CYP4X1: variants seen among roughly 807,000 people sequenced by gnomAD.
CYP4X1 encodes cytochrome P450 family 4 subfamily X member 1.
Under a neutral mutation model 57.9 loss-of-function variants are expected in CYP4X1, and 44 were observed. That is an observed-to-expected ratio of 0.76 (90% CI 0.60 to 0.98). The LOEUF (loss-of-function observed/expected upper bound fraction) is 0.98, where lower values mean the gene tolerates loss of function less well. CYP4X1 is among the 50% of genes least tolerant of loss of function. The pLI, the probability that CYP4X1 is intolerant of heterozygous loss-of-function variation, is 0.00. For missense variants in CYP4X1, 532 were observed against 623.9 expected (o/e 0.85, Z 1.57); for synonymous variants, 227 against 228.6 (o/e 0.99, Z 0.06).
chr1:47,039,753 G>T, intron 8 of CYP4X1: 2 of 357,330 alleles, frequency 5.6e-6, no homozygotes, highest in Non-Finnish European at 9.9e-6. Flanking sequence ...GTCTGTCATT[G>T]GTTTTCTAAT....
chr1:46,999,372 T>C, the CYP4X1 span, among the ~76,000 whole-genome samples: 2 of 152,200 alleles, frequency 1.3e-5, no homozygotes, highest in Non-Finnish European at 2.9e-5. Context: ...ATGTTTATAG[T>C]AGTCGCTGAG....
At chr1:46,976,127 C>T in the CYP4X1 span, among the ~76,000 whole-genome samples, 1 of 152,022 alleles carries the variant, frequency 6.6e-6, no homozygotes, top group African/African-American at 2.4e-5. Flanking sequence ...GGAGGGCAAG[C>T]CAAAGAAGGG....
At chr1:47,034,234 G>C (rs539602063) in intron 4 of CYP4X1, among the ~76,000 whole-genome samples, 1 of 152,288 alleles carries the variant, frequency 6.6e-6, no homozygotes, top group Non-Finnish European at 1.5e-5. Context: ...TGGCTATAAA[G>C]GACCAAGCAA....
upstream of CYP4X1, among the ~76,000 whole-genome samples, chr1:47,021,654 A>G (rs983903632): frequency 6.6e-6 from 1 of 152,222 alleles, no homozygotes; most frequent in African/African-American, 2.4e-5. Context: ...GCTCCTAAAT[A>G]TAGTGCAAAA....
chr1:46,967,776 C>A, the CYP4X1 span: 2 of 1,354,942 alleles, frequency 1.5e-6, no homozygotes, highest in Non-Finnish European at 2.0e-6. Flanking sequence ...CGACCGGGAT[C>A]CTGGTGGGAT....
the CYP4X1 span, among the ~76,000 whole-genome samples, chr1:46,972,338 G>A: frequency 2.0e-4 from 30 of 152,256 alleles, no homozygotes; most frequent in East Asian, 5.6e-3. Context: ...TTTAGTTACT[G>A]TAGCTTTGCA....
the CYP4X1 span, among the ~76,000 whole-genome samples, chr1:47,013,845 C>A: frequency 1.4e-5 from 2 of 146,088 alleles, no homozygotes; most frequent in African/African-American, 5.0e-5. Flanking sequence ...TCACTGCAAT[C>A]TATGCCTCCT....
At chr1:46,985,805 C>A in the CYP4X1 span, among the ~76,000 whole-genome samples, 1 of 152,168 alleles carries the variant, frequency 6.6e-6, no homozygotes, top group African/African-American at 2.4e-5. Context: ...AACAAATAAA[C>A]AGAAAGGAAG....
downstream of CYP4X1, among the ~76,000 whole-genome samples, chr1:47,054,305 T>C (rs1191141389): frequency 6.6e-6 from 1 of 152,246 alleles, no homozygotes; most frequent in Non-Finnish European, 1.5e-5. Context: ...AGTACCATGC[T>C]GTTTTGGTTA....
chr1:47,033,864 A>T (rs1644150421), intron 4 of CYP4X1, among the ~76,000 whole-genome samples: 1 of 152,244 alleles, frequency 6.6e-6, no homozygotes, highest in Non-Finnish European at 1.5e-5. Context: ...GGGGAGGGGC[A>T]TACATGCTTC....
chr1:46,980,739 G>T, the CYP4X1 span, among the ~76,000 whole-genome samples: 1 of 152,054 alleles, frequency 6.6e-6, no homozygotes, highest in Non-Finnish European at 1.5e-5. Context: ...ATACTACAAG[G>T]CTACAGTAAA....
chr1:47,030,637 C>A (rs1422554171), intron 2 of CYP4X1, among the ~76,000 whole-genome samples: 1 of 152,196 alleles, frequency 6.6e-6, no homozygotes, highest in African/African-American at 2.4e-5. Context: ...AGGTATGAGT[C>A]ATCTACTTCC....
chr1:47,010,078 T>C, the CYP4X1 span, among the ~76,000 whole-genome samples: 1 of 152,180 alleles, frequency 6.6e-6, no homozygotes, highest in Non-Finnish European at 1.5e-5. Flanking sequence ...AGCATCATCC[T>C]GATACCAAAG....
chr1:47,025,695 T>A (rs1644055375), intron 1 of CYP4X1, among the ~76,000 whole-genome samples: 1 of 152,226 alleles, frequency 6.6e-6, no homozygotes, highest in Non-Finnish European at 1.5e-5. Flanking sequence ...TATTTGTCAC[T>A]ATTTTTTTCC....
At chr1:46,969,546 A>G in the CYP4X1 span, among the ~76,000 whole-genome samples, 2 of 152,216 alleles carry the variant, frequency 1.3e-5, no homozygotes, top group South Asian at 2.1e-4. Context: ...TGAATTCATC[A>G]TTGGAAGGAT....
At chr1:46,988,643 C>T in the CYP4X1 span, among the ~76,000 whole-genome samples, 1 of 152,146 alleles carries the variant, frequency 6.6e-6, no homozygotes, top group African/African-American at 2.4e-5. Flanking sequence ...CAATAAAATA[C>T]TGGCAAACCG....
upstream of CYP4X1, among the ~76,000 whole-genome samples, chr1:47,022,569 G>C (rs1450143342): frequency 6.6e-6 from 1 of 152,094 alleles, no homozygotes; most frequent in Non-Finnish European, 1.5e-5. Context: ...GATTACAGGC[G>C]TGAGCCACCG....
the CYP4X1 span, among the ~76,000 whole-genome samples, chr1:46,992,998 T>C: frequency 6.6e-6 from 1 of 152,150 alleles, no homozygotes; most frequent in Non-Finnish European, 1.5e-5. Flanking sequence ...TAGTTACATA[T>C]GCATACATGT....
chr1:47,032,737 A>C (rs1237591946), intron 3 of CYP4X1, among the ~76,000 whole-genome samples: 1 of 152,108 alleles, frequency 6.6e-6, no homozygotes, highest in African/African-American at 2.4e-5. Flanking sequence ...TTGTGAATTT[A>C]TGTTCATCAT....
Sources: gnomAD v4.1 joint callset for allele counts (sites outside exome capture counted in the v4.1 genomes callset) on GRCh38, gnomAD v4.1.1 for gene constraint, MANE v1.5 for transcripts, NCBI Gene and HGNC (gene_info 2026-07-23, HGNC 2026-07-21) for gene names.